MYSM1: variants seen among roughly 807,000 people sequenced by gnomAD.
MYSM1 encodes the protein deubiquitinase MYSM1.
Under a neutral mutation model 116.0 loss-of-function variants are expected in MYSM1, and 51 were observed. The observed-to-expected ratio is 0.44, with a 90% CI of 0.35 to 0.56. The LOEUF is 0.56. Ranked by LOEUF, MYSM1 falls within the 20% of genes least tolerant of loss-of-function variation. The probability of loss-of-function intolerance (pLI) is 0.00; values close to 1 mark genes in which losing one functional copy is unlikely to be tolerated. For synonymous variants in MYSM1, 313 were observed against 315.2 expected (o/e 0.99, Z 0.07); for missense variants, 900 against 974.9 (o/e 0.92, Z 1.02).
intron 3 of MYSM1, 61 bp downstream of exon 3, chr1:58,692,800 T>C (rs1196194550): frequency 7.7e-7 from 1 of 1,296,680 alleles, no homozygotes; most frequent in Non-Finnish European, 1.1e-6. Context: ...TTGTAAATTT[T>C]GCATTTATAG....
chr1:58,657,632 GGGAA>G lies in MYSM1; in HGVS notation c.*2361_*2364del, dbSNP rs1644336132. 1 of 152,108 alleles carries G rather than the reference GGGAA, an allele frequency of 6.6e-6. No homozygotes were observed. The highest frequency in any genetic ancestry group is 2.4e-5 in the African/African-American group (1 of 41,412). 9.4% of individuals were successfully genotyped at this position (152,108 alleles called of 1,614,324 possible). ...CTAAAATTATACTGTCAAAAAAATGGGGAAGGATTTATATACTAATTGTGTTTTT... is the reference window on the plus strand; with the variant it reads ...CTAAAATTATACTGTCAAAAAAATGGGGATTTATATACTAATTGTGTTTTT... On this transcript the variant is annotated 3_prime_UTR_variant, in exon 20 of 20. Coordinates refer to ENST00000472487, the MANE Select transcript of MYSM1 (RefSeq NM_001085487.3).
chr1:58,699,286 G>A (rs1054019169), intron 1 of MYSM1, among the ~76,000 whole-genome samples: 4 of 152,118 alleles, frequency 2.6e-5, no homozygotes, highest in African/African-American at 9.7e-5. Flanking sequence ...GTAACAGGAT[G>A]GTAAAGAATA....
At chr1:58,687,659 T>C (rs2746078) in intron 6 of MYSM1, among the ~76,000 whole-genome samples, 4,090 of 152,114 alleles carry the variant, frequency 0.027, 178 homozygotes, top group African/African-American at 0.09. Context: ...ACTAAAGAAA[T>C]ATCCCTATCC....
chr1:58,691,467 C>G (rs1484035106), intron 3 of MYSM1, among the ~76,000 whole-genome samples: 2 of 152,176 alleles, frequency 1.3e-5, no homozygotes, highest in African/African-American at 4.8e-5. Context: ...CCACTGACTA[C>G]TTAAGTGTTT....
At position 58,676,938 on chromosome 1, in the gene MYSM1, T is replaced by C. The variant is rs1313964648; in HGVS notation, c.1378A>G (p.Asn460Asp). 1 of 1,609,514 alleles carries C rather than the reference T, an allele frequency of 6.2e-7. No individual in the cohort carries two copies. The highest frequency in any genetic ancestry group is 2.2e-5 in the East Asian group (1 of 44,650). The change falls in exon 9 of 20, where the codon AAT (asparagine) becomes GAT (aspartate). Residue 460 changes from asparagine to aspartate, a missense_variant. By Grantham distance (23) the Asn-to-Asp change is conservative (BLOSUM62 1). Transcript: ENST00000472487. ...HTYLELIGAI[N>D]FGCEQAVYNR... is the part of the protein sequence containing the mutation. Reference sequence around the variant, plus strand: ...TTTTTATTTTTACCACATCCAAAATTGATTGCTCCTATCAATTCGAGGTAT... The same window carrying C: ...TTTTTATTTTTACCACATCCAAAATCGATTGCTCCTATCAATTCGAGGTAT...
At chr1:58,699,950 C>G in intron 1 of MYSM1, 35 bp downstream of exon 1, 1 of 1,612,840 alleles carries the variant, frequency 6.2e-7, no homozygotes, top group Non-Finnish European at 8.5e-7. Context: ...CCACTCCCCT[C>G]TCCGCCCCAG....
At chr1:58,681,601 G>A (rs1186007890) in intron 8 of MYSM1, among the ~76,000 whole-genome samples, 184 bp downstream of exon 8, 1 of 152,090 alleles carries the variant, frequency 6.6e-6, no homozygotes. Context: ...CAAAAAGATG[G>A]GTTATGAGAG....
chr1:58,698,102 A>ATATATATTTTTTTTTTTT, intron 1 of MYSM1, among the ~76,000 whole-genome samples: 2 of 7,772 alleles, frequency 2.6e-4, no homozygotes, highest in African/African-American at 5.1e-4. Flanking sequence ...ATATATATAT[A>ATATATATTTTTTTTTTTT]TTTTTTTTTT....
At chr1:58,696,020 C>A (rs1644969178) in intron 1 of MYSM1, among the ~76,000 whole-genome samples, 1 of 152,194 alleles carries the variant, frequency 6.6e-6, no homozygotes, top group Admixed American at 6.5e-5. Context: ...AACCTTTCAA[C>A]AGGCTTATAA....
chr1:58,675,169 A>T (rs745765781), intron 10 of MYSM1, among the ~76,000 whole-genome samples: 2 of 152,128 alleles, frequency 1.3e-5, no homozygotes, highest in Non-Finnish European at 2.9e-5. Flanking sequence ...ACTGAACTAT[A>T]TATTTTTAAA....
intron 17 of MYSM1, among the ~76,000 whole-genome samples, chr1:58,663,378 C>A (rs4912365): frequency 6.6e-6 from 1 of 151,874 alleles, no homozygotes; most frequent in African/African-American, 2.4e-5. Flanking sequence ...GAAAACTGAT[C>A]ACTAAATATA....
At chr1:58,692,221 T>C (rs1359609829) in intron 3 of MYSM1, among the ~76,000 whole-genome samples, 1 of 152,214 alleles carries the variant, frequency 6.6e-6, no homozygotes, top group Non-Finnish European at 1.5e-5. Context: ...AGAGAAATTC[T>C]GGCTTAGTAA....
intron 17 of MYSM1, among the ~76,000 whole-genome samples, chr1:58,662,341 T>C (rs1398498863): frequency 1.3e-5 from 2 of 152,106 alleles, no homozygotes; most frequent in Non-Finnish European, 2.9e-5. Flanking sequence ...TTTTAAAAGC[T>C]CAGCTGATTC....
chr1:58,666,583 T>TC (rs1644473446), intron 16 of MYSM1, among the ~76,000 whole-genome samples: 1 of 150,256 alleles, frequency 6.7e-6, no homozygotes, highest in Non-Finnish European at 1.5e-5. Flanking sequence ...TTTCTTTTTT[T>TC]TTTTTTTGGC....
At position 58,687,930 on chromosome 1, in the gene MYSM1, CCTT is replaced by C. The variant is rs571121550; in HGVS notation, c.399+1105_399+1107del. Reference sequence around the variant, plus strand: ...CCTGCATTTGCTGCTGAGCTGCCCTCCTTCTGCGTGTGTGTGTGTGTCTTTCTT... The same window carrying C: ...CCTGCATTTGCTGCTGAGCTGCCCTCCTGCGTGTGTGTGTGTGTCTTTCTT... On this transcript the variant is annotated intron_variant, in intron 6 of 19. Transcript: ENST00000472487. 7.3e-4 allele frequency among the ~76,000 whole-genome samples: 111 copies of C among 152,270 alleles called. 1 individual carries two copies. Among genetic ancestry groups the C allele is most frequent in the African/African-American group, 2.6e-3 (108 of 41,542 alleles).
intron 14 of MYSM1, 119 bp from the exon 15 acceptor site, chr1:58,668,040 A>G (rs1487041167): frequency 2.6e-6 from 2 of 768,732 alleles, no homozygotes; most frequent in Non-Finnish European, 4.6e-6. Flanking sequence ...TTATAAAATA[A>G]AGTAGCATAG....
In MYSM1 at chr1:58,692,950, T is replaced by A; in HGVS notation, c.148-19A>T. 6.4e-7 allele frequency: 1 copy of A among 1,561,164 alleles called. No homozygotes were observed. The highest frequency in any genetic ancestry group is 8.7e-7 in the Non-Finnish European group (1 of 1,149,750). On this transcript the variant is annotated intron_variant, in intron 2 of 19. Transcript: ENST00000472487. ...TCCAAGGCTATTAAAAAAGAGAATA[T>A]ATTTGTCTTTTTATTTATTGCTTTT...
At chr1:58,674,941 A>G (rs886812902) in intron 10 of MYSM1, among the ~76,000 whole-genome samples, 1 of 151,574 alleles carries the variant, frequency 6.6e-6, no homozygotes, top group Admixed American at 6.6e-5. Context: ...AAAAAAAAAA[A>G]AGAAAAAAAA....
intron 16 of MYSM1, among the ~76,000 whole-genome samples, chr1:58,666,228 G>A (rs1343382646): frequency 6.6e-6 from 1 of 152,100 alleles, no homozygotes; most frequent in Non-Finnish European, 1.5e-5. Flanking sequence ...TTTACTAATT[G>A]TATTCACCAC....
Sources: allele counts gnomAD v4.1 joint callset (sites outside exome capture counted in the v4.1 genomes callset), GRCh38; gene constraint gnomAD v4.1.1; transcripts MANE v1.5; gene names NCBI Gene and HGNC (gene_info 2026-07-23, HGNC 2026-07-21).